CDH4: variants seen among roughly 807,000 people sequenced by gnomAD.
CDH4 encodes cadherin 4.
CDH4 carries 33 observed loss-of-function variants against 86.0 expected under a neutral mutation model. The ratio of observed to expected loss-of-function variants is 0.38; its 90% CI spans 0.29 to 0.51. CDH4 has a LOEUF of 0.51. Among genes scored for constraint, CDH4 ranks in the 20% least tolerant of loss-of-function variants. The probability of loss-of-function intolerance (pLI) is 0.86; values close to 1 mark genes in which losing one functional copy is unlikely to be tolerated. For synonymous variants in CDH4, 555 were observed against 549.4 expected, an observed-to-expected ratio of 1.01 and a Z score of -0.14; for missense variants, 1,114 against 1,307.4, an observed-to-expected ratio of 0.85 and a Z score of 2.28.
At chr20:61,613,009 C>A (rs551403773) in intron 2 of CDH4, among the ~76,000 whole-genome samples, 1 of 152,028 alleles carries the variant, frequency 6.6e-6, no homozygotes, top group East Asian at 1.9e-4. Flanking sequence ...CCAGGAGGGC[C>A]GATAAAGGTG....
At chr20:61,498,949 G>A (rs1489774182) in intron 2 of CDH4, among the ~76,000 whole-genome samples, 3 of 152,124 alleles carry the variant, frequency 2.0e-5, no homozygotes, top group East Asian at 1.9e-4. Context: ...TTCTCTCCTC[G>A]GAATGAGTCT....
In CDH4 at chr20:61,565,240, TGGCGGTGCTCTTGGTG is replaced by T. The variant is rs1568688641; in HGVS notation, c.170-178322_170-178307del. ...CGGTGGTAGGTGGTGGTGGTGGTGG[TGGCGGTGCTCTTGGTG>T]ATGGTGGTGGTGGTCCTCTTGGTGA... On this transcript the variant is annotated intron_variant, in intron 2 of 15. Coordinates refer to ENST00000614565, the MANE Select transcript of CDH4 (RefSeq NM_001794.5). Among the ~76,000 whole-genome samples the T allele has an allele frequency of 6.1e-4, 40 of 65,426 alleles. 5 individuals are homozygous for T. Among genetic ancestry groups the T allele is most frequent in the Non-Finnish European group, 9.7e-4 (30 of 30,956 alleles). 42.9% of individuals were successfully genotyped at this position (65,426 alleles called of 152,430 possible). A position where few individuals can be genotyped will look rare whatever the true frequency, so the allele number is the denominator to read the frequency against.
intron 4 of CDH4, among the ~76,000 whole-genome samples, chr20:61,787,038 ACTGT>A (rs1423602148): frequency 1.3e-5 from 2 of 152,160 alleles, no homozygotes; most frequent in Non-Finnish European, 2.9e-5. Context: ...AGAAGGTGAA[ACTGT>A]CTGTGCATGA....
At chr20:61,734,338 C>T (rs1265457748) in intron 2 of CDH4, among the ~76,000 whole-genome samples, 1 of 152,248 alleles carries the variant, frequency 6.6e-6, no homozygotes, top group Non-Finnish European at 1.5e-5. Flanking sequence ...CTGGCCCAAG[C>T]CTGGGCAGGG....
chr20:61,622,897 A>T (rs551612315), intron 2 of CDH4, among the ~76,000 whole-genome samples: 21 of 152,146 alleles, frequency 1.4e-4, no homozygotes, highest in Non-Finnish European at 1.0e-4. Context: ...GAATCAGGGG[A>T]GGTGGCTGCG....
At chr20:61,490,685 T>C (rs1455033685) in intron 2 of CDH4, among the ~76,000 whole-genome samples, 3 of 151,458 alleles carry the variant, frequency 2.0e-5, no homozygotes, top group Non-Finnish European at 4.4e-5. Context: ...GGCAACAGGG[T>C]GAGACTCCAT....
Position 61,565,221 on chromosome 20 carries a change from T to TGGGG in CDH4, c.170-178342_170-178341insGGGG, listed in dbSNP as rs1414076004. Among the ~76,000 whole-genome samples the TGGGG allele has an allele frequency of 4.0e-3, 161 of 40,562 alleles. 10 individuals carry two copies. The highest frequency in any genetic ancestry group is 0.015 in the Admixed American group (76 of 5,150). 26.6% of individuals were successfully genotyped at this position (40,562 alleles called of 152,430 possible). On this transcript the variant is annotated intron_variant, in intron 2 of 15. Transcript: ENST00000614565. ...GTGGTGGTCGCGGTGCTCTCGGTGGTAGGTGGTGGTGGTGGTGGTGGCGGT... is the reference window on the plus strand; with the variant it reads ...GTGGTGGTCGCGGTGCTCTCGGTGGTGGGGAGGTGGTGGTGGTGGTGGTGGCGGT...
At chr20:61,349,744 A>C (rs577335819) in intron 2 of CDH4, among the ~76,000 whole-genome samples, 1 of 152,314 alleles carries the variant, frequency 6.6e-6, no homozygotes, top group East Asian at 1.9e-4. Context: ...TCTCAGGGGC[A>C]GTCTTGCTGA....
intron 7 of CDH4, among the ~76,000 whole-genome samples, chr20:61,875,930 C>G (rs1026823235): frequency 2.6e-5 from 3 of 114,178 alleles, no homozygotes; most frequent in Non-Finnish European, 3.9e-5. Flanking sequence ...CCTGTTTGCG[C>G]TCCCCCAACA....
chr20:61,313,467 T>C (rs2084458985), intron 2 of CDH4, among the ~76,000 whole-genome samples: 1 of 152,190 alleles, frequency 6.6e-6, no homozygotes, highest in Non-Finnish European at 1.5e-5. Flanking sequence ...GCACGCTTTG[T>C]TTTTCATCTA....
intron 2 of CDH4, among the ~76,000 whole-genome samples, chr20:61,295,952 C>T (rs960273503): frequency 6.6e-6 from 1 of 152,124 alleles, no homozygotes; most frequent in Non-Finnish European, 1.5e-5. Context: ...CCATGGGTAT[C>T]GCGGAGGCCG....
chr20:61,475,884 C>T (rs1172761887), intron 2 of CDH4, among the ~76,000 whole-genome samples: 1 of 151,802 alleles, frequency 6.6e-6, no homozygotes, highest in East Asian at 2.0e-4. Context: ...AGCTTTCTTG[C>T]ACAGTATGGT....
intron 2 of CDH4, among the ~76,000 whole-genome samples, chr20:61,653,610 C>A (rs1288284898): frequency 7.3e-6 from 1 of 136,470 alleles, no homozygotes; most frequent in East Asian, 2.1e-4. Context: ...CGGGCAGAGA[C>A]GCTCCTCACT....
chr20:61,650,506 G>A (rs981500663), intron 2 of CDH4, among the ~76,000 whole-genome samples: 7 of 152,104 alleles, frequency 4.6e-5, no homozygotes, highest in African/African-American at 1.4e-4. Context: ...GTCATTAACC[G>A]GTGTATCTTC....
chr20:61,884,074 C>G (rs1201866860), intron 7 of CDH4, among the ~76,000 whole-genome samples: 1 of 152,168 alleles, frequency 6.6e-6, no homozygotes, highest in Non-Finnish European at 1.5e-5. Context: ...CTGGGAAATG[C>G]TGGTGTTTTC....
At chr20:61,723,759 G>A (rs2088071921) in intron 2 of CDH4, among the ~76,000 whole-genome samples, 1 of 152,238 alleles carries the variant, frequency 6.6e-6, no homozygotes, top group South Asian at 2.1e-4. Flanking sequence ...CAGCCAACCA[G>A]AGTGTGTTTA....
chr20:61,565,331 ATGG>A (rs1232866064), intron 2 of CDH4, among the ~76,000 whole-genome samples: 4 of 16,530 alleles, frequency 2.4e-4, no homozygotes, highest in African/African-American at 4.4e-4. Context: ...GCTCTTGGTG[ATGG>A]TGGTAGTGGT....
intron 6 of CDH4, among the ~76,000 whole-genome samples, chr20:61,868,865 C>G (rs1235917863): frequency 6.6e-6 from 1 of 152,240 alleles, no homozygotes. Flanking sequence ...TGGGGAAGCC[C>G]CATCCCAGCC....
chr20:61,321,670 G>C (rs2084509272), intron 2 of CDH4, among the ~76,000 whole-genome samples: 2 of 152,274 alleles, frequency 1.3e-5, no homozygotes. Flanking sequence ...CTATTTGATG[G>C]CAGAGCCGCC....
Sources: allele counts gnomAD v4.1 joint callset (sites outside exome capture counted in the v4.1 genomes callset), GRCh38; gene constraint gnomAD v4.1.1; transcripts MANE v1.5; gene names NCBI Gene and HGNC (gene_info 2026-07-23, HGNC 2026-07-21).